Variants in UBR1 observed in about 807,000 individuals in gnomAD.
UBR1 encodes ubiquitin protein ligase E3 component n-recognin 1.
A neutral mutation model predicts 242.1 loss-of-function variants in UBR1; 102 were observed. That is an observed-to-expected ratio of 0.42 (90% CI 0.36 to 0.50). The LOEUF (loss-of-function observed/expected upper bound fraction) is 0.50, where lower values mean the gene tolerates loss of function less well. Ranked by LOEUF, UBR1 falls within the 20% of genes least tolerant of loss-of-function variation. UBR1 has a pLI of 0.01. For synonymous variants in UBR1, 675 were observed against 684.8 expected (o/e 0.99, Z 0.22); for missense variants, 1,772 against 2,101.8 (o/e 0.84, Z 3.07).
intron 9 of UBR1, 66 bp downstream of exon 9, chr15:43,059,019 G>C: frequency 8.2e-7 from 1 of 1,219,192 alleles, no homozygotes; most frequent in South Asian, 1.2e-5. Context: ...AGATATTACA[G>C]CTCCACTTTA....
Position 43,022,747 on chromosome 15 carries a change from C to A in UBR1, c.2794G>T (p.Ala932Ser). Residue 932 changes from alanine to serine, a missense_variant, in exon 26 of 47, where the codon GCT becomes TCT. Ala to Ser is a moderately conservative substitution (Grantham distance 99). This residue lies in a region of UBR1 where 965 missense variants were observed against 1,079.7 expected (regional missense o/e 0.89). Coordinates refer to ENST00000290650, the MANE Select transcript of UBR1 (RefSeq NM_174916.3). ...TCAAATGTTACTTCTTCTTCAGGAGCTTTTTGAAGCTGTTGCTTCTCTTCT... is the reference window on the plus strand; with the variant it reads ...TCAAATGTTACTTCTTCTTCAGGAGATTTTTGAAGCTGTTGCTTCTCTTCT... ...LLEEKQQLQKAPEEEVTFDFY... is the reference protein window; with the variant it reads ...LLEEKQQLQKSPEEEVTFDFY... 2.5e-6 allele frequency: 4 copies of A among 1,612,298 alleles called. No homozygotes were observed. Among genetic ancestry groups the A allele is most frequent in the Non-Finnish European group, 3.4e-6 (4 of 1,179,010 alleles).
chr15:43,089,747 T>C (rs191475635), intron 1 of UBR1, among the ~76,000 whole-genome samples: 1 of 152,340 alleles, frequency 6.6e-6, no homozygotes, highest in African/African-American at 2.4e-5. Flanking sequence ...CTGATTTTTG[T>C]GTTATTTTTG....
chr15:43,070,902 T>G lies in UBR1; in HGVS notation c.552A>C (p.Glu184Asp). 2 of 1,613,632 alleles carry G rather than the reference T, an allele frequency of 1.2e-6. No individual in the cohort carries two copies. Among genetic ancestry groups the G allele is most frequent in the Non-Finnish European group, 1.7e-6 (2 of 1,179,982 alleles). The change falls in exon 5 of 47, where the codon GAA becomes GAC. Residue 184 changes from glutamate to aspartate, a missense_variant. This residue lies in a region of UBR1 where 734 missense variants were observed against 893.3 expected (regional missense o/e 0.82). Transcript: ENST00000290650. ...TTTTCCTGGCTTGGACAATTACCTC[T>G]TCATTCAACGGACAGCGTGAATTCT... ...IKENSRCPLN[E>D]EVIVQARKIF...
intron 19 of UBR1, among the ~76,000 whole-genome samples, chr15:43,034,419 G>A (rs1389489963): frequency 2.0e-5 from 3 of 151,742 alleles, no homozygotes; most frequent in Non-Finnish European, 2.9e-5. Flanking sequence ...CAGCCTGGGC[G>A]ACAGAGTGAG....
chr15:43,002,464 G>A (rs2032741103), intron 32 of UBR1, 91 bp downstream of exon 32: 9 of 1,417,934 alleles, frequency 6.3e-6, no homozygotes, highest in Middle Eastern at 2.0e-4. Flanking sequence ...CTGGCAATCC[G>A]CCCATCTCAG....
intron 1 of UBR1, among the ~76,000 whole-genome samples, chr15:43,088,587 C>T (rs1393422656): frequency 6.6e-6 from 1 of 151,778 alleles, no homozygotes; most frequent in Non-Finnish European, 1.5e-5. Context: ...CCTCTACTTC[C>T]TGGGTTCAAG....
chr15:43,065,268 T>C (rs2033738085), intron 6 of UBR1, among the ~76,000 whole-genome samples: 1 of 152,198 alleles, frequency 6.6e-6, no homozygotes, highest in Non-Finnish European at 1.5e-5. Context: ...TCTGTCTTCT[T>C]TTCCTATCTC....
At chr15:43,012,806 T>C (rs1349209444) in intron 29 of UBR1, among the ~76,000 whole-genome samples, 1 of 152,240 alleles carries the variant, frequency 6.6e-6, no homozygotes, top group Non-Finnish European at 1.5e-5. Flanking sequence ...TTATTCTTTA[T>C]GGTCCTTGTT....
chr15:43,048,408 A>C lies in UBR1; in HGVS notation c.1523T>G (p.Ile508Ser). The C allele has an allele frequency of 6.2e-7, 1 of 1,613,098 alleles. No homozygotes were observed. The highest frequency in any genetic ancestry group is 8.5e-7 in the Non-Finnish European group (1 of 1,179,534). Residue 508 changes from isoleucine to serine, a missense_variant, in exon 13 of 47, where the codon ATT (isoleucine) becomes AGT (serine). By Grantham distance (142) the Ile-to-Ser change is moderately radical. Around this residue, in one of 3 missense-constraint regions of UBR1, gnomAD observed 734 missense variants for 893.3 expected, o/e 0.82. Transcript: ENST00000290650. ...FLEGFRSFLKILTCMQGMEEI... is the reference protein window; with the variant it reads ...FLEGFRSFLKSLTCMQGMEEI... ...TGATCATACCTGCATACAGGTAAGAATCTTCAAAAAAGATCGAAAACCTTC... is the reference window on the plus strand; with the variant it reads ...TGATCATACCTGCATACAGGTAAGACTCTTCAAAAAAGATCGAAAACCTTC...
intron 1 of UBR1, among the ~76,000 whole-genome samples, chr15:43,098,494 A>G (rs2034187783): frequency 6.6e-6 from 1 of 152,196 alleles, no homozygotes; most frequent in Non-Finnish European, 1.5e-5. Context: ...TCAATAAAAT[A>G]AGGTATGCCT....
intron 43 of UBR1, among the ~76,000 whole-genome samples, chr15:42,959,844 G>C (rs1266181178): frequency 6.6e-6 from 1 of 152,216 alleles, no homozygotes; most frequent in Non-Finnish European, 1.5e-5. Context: ...AGGAGTTCCA[G>C]GGTGAGAGAA....
intron 29 of UBR1, among the ~76,000 whole-genome samples, chr15:43,007,830 G>A (rs1051438144): frequency 6.6e-6 from 1 of 152,088 alleles, no homozygotes; most frequent in African/African-American, 2.4e-5. Flanking sequence ...TGGTTGCACA[G>A]CTCTTACTGT....
intron 1 of UBR1, among the ~76,000 whole-genome samples, chr15:43,101,094 A>G (rs149261900): frequency 5.3e-5 from 8 of 152,380 alleles, no homozygotes; most frequent in African/African-American, 1.7e-4. Context: ...GCAACAGCAC[A>G]GACCCTAAAG....
At chr15:43,081,615 T>G (rs145543273) in intron 3 of UBR1, among the ~76,000 whole-genome samples, 1 of 152,158 alleles carries the variant, frequency 6.6e-6, no homozygotes. Context: ...TTGTATATAT[T>G]CTTGATGAAG....
intron 1 of UBR1, among the ~76,000 whole-genome samples, chr15:43,090,532 C>T (rs972756717): frequency 6.6e-5 from 10 of 152,024 alleles, no homozygotes; most frequent in African/African-American, 2.4e-4. Flanking sequence ...TCTCTACATA[C>T]CTGGCAACAA....
intron 35 of UBR1, among the ~76,000 whole-genome samples, chr15:42,987,156 C>T (rs1043936736): frequency 6.6e-6 from 1 of 152,220 alleles, no homozygotes; most frequent in African/African-American, 2.4e-5. Flanking sequence ...CGGCTTTGCC[C>T]ATCAGTCCCC....
chr15:43,068,663 C>T (rs1020549943), intron 5 of UBR1, among the ~76,000 whole-genome samples: 1 of 152,112 alleles, frequency 6.6e-6, no homozygotes, highest in African/African-American at 2.4e-5. Flanking sequence ...CTCTGTCACC[C>T]AGGCTGGAGT....
At chr15:43,105,909 G>C (rs1567154555) in intron 1 of UBR1, 33 bp downstream of exon 1, 1 of 1,539,246 alleles carries the variant, frequency 6.5e-7, no homozygotes, top group Admixed American at 1.7e-5. Context: ...GGACCGGGGG[G>C]AGGACAAAAG....
intron 29 of UBR1, among the ~76,000 whole-genome samples, chr15:43,013,483 A>G (rs2032956851): frequency 6.6e-6 from 1 of 152,260 alleles, no homozygotes; most frequent in Admixed American, 6.5e-5. Flanking sequence ...CTTCTAAGAA[A>G]AAAAGAAAAA....
Sources: gnomAD v4.1 joint callset for allele counts (sites outside exome capture counted in the v4.1 genomes callset) on GRCh38, gnomAD v4.1.1 for gene constraint, gnomAD v4.1.1 regional missense constraint, MANE v1.5 for transcripts, NCBI Gene and HGNC (gene_info 2026-07-23, HGNC 2026-07-21) for gene names.